The following KIAA0232 variants were observed in gnomAD, a reference collection of about 807,000 sequenced individuals.
KIAA0232 encodes KIAA0232, also known as uncharacterized protein KIAA0232.
Under a neutral mutation model 122.0 loss-of-function variants are expected in KIAA0232, and 27 were observed. The ratio of observed to expected loss-of-function variants is 0.22; its 90% CI spans 0.16 to 0.31. KIAA0232 has a LOEUF of 0.31. KIAA0232 is among the 10% of genes least tolerant of loss of function. KIAA0232 has a pLI of 1.00. For missense variants in KIAA0232, 1,551 were observed against 1,634.2 expected (o/e 0.95, Z 0.88); for synonymous variants, 613 against 587.6 (o/e 1.04, Z -0.63).
rs546440866 is a variant in KIAA0232, at chr4:6,837,177, G to GCTC, written c.232-4886_232-4884dup. ...ACGGGCCGGCTGGCGGGGCGGAGGG[G>GCTC]CTCCTCACTTCCCAGGCGGGGCGGC... is the stretch of plus-strand genomic sequence containing the variant. On this transcript the variant is annotated intron_variant, in intron 3 of 9. Coordinates refer to ENST00000307659, the MANE Select transcript of KIAA0232 (RefSeq NM_014743.3). 2.0e-5 allele frequency among the ~76,000 whole-genome samples: 3 copies of GCTC among 151,260 alleles called. No homozygotes were observed. In the South Asian group the frequency reaches 6.2e-4, roughly 31 times the overall value.
At chr4:6,808,201 C>G (rs1195896220) in intron 2 of KIAA0232, among the ~76,000 whole-genome samples, 1 of 152,060 alleles carries the variant, frequency 6.6e-6, no homozygotes, top group East Asian at 1.9e-4. Context: ...GTCCAAAAGC[C>G]AGAGTCTTAA....
intron 3 of KIAA0232, among the ~76,000 whole-genome samples, chr4:6,841,573 TAA>T (rs1719663918): frequency 6.6e-6 from 1 of 152,154 alleles, no homozygotes; most frequent in Non-Finnish European, 1.5e-5. Flanking sequence ...AAATCAGCAT[TAA>T]GAGGGCAGTT....
chr4:6,783,050 C>T (rs1472433857), intron 1 of KIAA0232, among the ~76,000 whole-genome samples: 3 of 150,360 alleles, frequency 2.0e-5, no homozygotes, highest in South Asian at 2.1e-4. Context: ...GCCGAGCCGC[C>T]GCCGAGGGCT....
rs771150111 is a variant in KIAA0232 at position 6,874,524 on chromosome 4, C to T, written c.3911-2136C>T. On this transcript the variant is annotated intron_variant, in intron 8 of 9. Coordinates refer to ENST00000307659, the MANE Select transcript of KIAA0232 (RefSeq NM_014743.3). Reference sequence around the variant, plus strand: ...CCCAAACAGCAGTCTCCACAGCTCACGCCCCTGGATTTTCAGTGCTTTCAA... The same window carrying T: ...CCCAAACAGCAGTCTCCACAGCTCATGCCCCTGGATTTTCAGTGCTTTCAA... Among the ~76,000 whole-genome samples, 133 of 152,304 alleles carry T rather than the reference C, an allele frequency of 8.7e-4. 1 individual carries two copies. The highest frequency in any genetic ancestry group is 1.8e-3 in the Non-Finnish European group (122 of 68,028).
chr4:6,862,626 A>T lies in KIAA0232; in HGVS notation c.2244A>T (p.Arg748Ser). 6.2e-7 allele frequency: 1 copy of T among 1,613,508 alleles called. No homozygotes were observed. Among genetic ancestry groups the T allele is most frequent in the Non-Finnish European group, 8.5e-7 (1 of 1,179,858 alleles). Residue 748 changes from arginine (R) to serine (S), a missense_variant, in exon 7 of 10, where the codon AGA becomes AGT. Arg to Ser is a moderately radical substitution (Grantham distance 110). Coordinates refer to ENST00000307659, the MANE Select transcript of KIAA0232 (RefSeq NM_014743.3). ...NAEDINYVVPRVSSNYVDEEL... is the reference protein window; with the variant it reads ...NAEDINYVVPSVSSNYVDEEL... ...AAGATATTAATTATGTAGTTCCTAGAGTCTCGTCAAATTATGTAGATGAAG... is the reference window on the plus strand; with the variant it reads ...AAGATATTAATTATGTAGTTCCTAGTGTCTCGTCAAATTATGTAGATGAAG...
Position 6,863,776 on chromosome 4 carries a change from G to A in KIAA0232, c.3394G>A (p.Glu1132Lys), listed in dbSNP as rs1265983984. 1 of 1,614,188 alleles carries A rather than the reference G, an allele frequency of 6.2e-7. No homozygotes were observed. The highest frequency in any genetic ancestry group is 8.5e-7 in the Non-Finnish European group (1 of 1,180,044). Residue 1132 changes from glutamate to lysine, a missense_variant, in exon 7 of 10, where the codon GAA becomes AAA. By Grantham distance (56) the Glu-to-Lys change is moderately conservative. Transcript: ENST00000307659. ...SESEFESEKDEANIPIPSQVD... is the reference protein window; with the variant it reads ...SESEFESEKDKANIPIPSQVD... ...GTCAGAATTTGAATCTGAGAAAGAT[G>A]AAGCAAATATTCCCATTCCTTCTCA...
chr4:6,833,621 A>T (rs1457435087), intron 3 of KIAA0232, among the ~76,000 whole-genome samples: 1 of 152,062 alleles, frequency 6.6e-6, no homozygotes, highest in Non-Finnish European at 1.5e-5. Flanking sequence ...ACAGAGTGAG[A>T]CTGCATCTCA....
At position 6,861,730 on chromosome 4, in the gene KIAA0232, A is replaced by G. The variant is rs1231900576; in HGVS notation, c.1348A>G (p.Ile450Val). The G allele has an allele frequency of 6.2e-7, 1 of 1,614,206 alleles. No individual in the cohort carries two copies. Among genetic ancestry groups the G allele is most frequent in the South Asian group, 1.1e-5 (1 of 91,076 alleles). Residue 450 changes from isoleucine to valine, a missense_variant, in exon 7 of 10, where the codon ATC becomes GTC. By Grantham distance (29) the Ile-to-Val change is conservative (BLOSUM62 3). This residue lies in a region of KIAA0232 where 1,108 missense variants were observed against 1,154.8 expected (regional missense o/e 0.96). Transcript: ENST00000307659. ...ELSESVHGLC[I>V]SNNNLHKTYL... ...GTCTGAATCAGTGCATGGTCTTTGT[A>G]TCAGCAACAATAATCTTCATAAAAC...
In KIAA0232 at chr4:6,859,028, G is replaced by A. The variant is rs540579202; in HGVS notation, c.518+522G>A. Among the ~76,000 whole-genome samples, 379 of 150,664 alleles carry A rather than the reference G, an allele frequency of 2.5e-3. 2 individuals are homozygous for A. The highest frequency in any genetic ancestry group is 7.0e-3 in the Middle Eastern group (2 of 286). ...CAGGAGAATTTCTGGAACCCGGGAG[G>A]CAGAGGTTGCAGTGAGCTGAGACTG... is the stretch of plus-strand genomic sequence containing the variant. On this transcript the variant is annotated intron_variant, in intron 6 of 9. Coordinates refer to ENST00000307659, the MANE Select transcript of KIAA0232 (RefSeq NM_014743.3).
chr4:6,832,761 TTC>T (rs1423284294), intron 3 of KIAA0232, among the ~76,000 whole-genome samples: 1 of 152,212 alleles, frequency 6.6e-6, no homozygotes, highest in East Asian at 1.9e-4. Flanking sequence ...AGCCACATGT[TTC>T]TTTCTCAGGT....
At chr4:6,831,297 G>T (rs1048761308) in intron 3 of KIAA0232, among the ~76,000 whole-genome samples, 52 of 151,958 alleles carry the variant, frequency 3.4e-4, no homozygotes, top group Non-Finnish European at 2.9e-5. Flanking sequence ...CTCGTGATCC[G>T]CCCGCCTCGG....
At chr4:6,850,462 A>G (rs571558975) in intron 4 of KIAA0232, among the ~76,000 whole-genome samples, 1 of 152,328 alleles carries the variant, frequency 6.6e-6, no homozygotes, top group East Asian at 1.9e-4. Flanking sequence ...TCTATAAATT[A>G]TACCATACTC....
intron 2 of KIAA0232, among the ~76,000 whole-genome samples, chr4:6,805,697 G>C (rs1460089942): frequency 6.6e-6 from 1 of 152,150 alleles, no homozygotes; most frequent in Non-Finnish European, 1.5e-5. Context: ...GGTACACTAT[G>C]ATATAGTATT....
At chr4:6,825,512 G>A (rs760056851) in intron 3 of KIAA0232, among the ~76,000 whole-genome samples, 15 of 152,190 alleles carry the variant, frequency 9.9e-5, no homozygotes, top group Middle Eastern at 3.4e-3. Flanking sequence ...CCATGATTGC[G>A]CCATTGCACT....
rs1716978468 is a variant in KIAA0232 at position 6,793,078 on chromosome 4, A to T, written c.-354+10237A>T. On this transcript the variant is annotated intron_variant, in intron 1 of 9. Transcript: ENST00000307659. Reference sequence around the variant, plus strand: ...CCAGTCCTATGAAGACTTCATAAAAACTCGTAGTAAGAACCCCTCATCCTC... The same window carrying T: ...CCAGTCCTATGAAGACTTCATAAAATCTCGTAGTAAGAACCCCTCATCCTC... 2.0e-5 allele frequency among the ~76,000 whole-genome samples: 3 copies of T among 151,500 alleles called. No individual in the cohort carries two copies. The South Asian group carries it at 6.3e-4, about 32-fold the overall frequency.
chr4:6,792,648 A>T (rs1009817702), intron 1 of KIAA0232, among the ~76,000 whole-genome samples: 1 of 150,514 alleles, frequency 6.6e-6, no homozygotes, highest in Non-Finnish European at 1.5e-5. Flanking sequence ...TGCTTGCTTC[A>T]GTGATCTGCT....
At chr4:6,873,034 A>G (rs547052261) in intron 8 of KIAA0232, among the ~76,000 whole-genome samples, 71 of 152,342 alleles carry the variant, frequency 4.7e-4, no homozygotes, top group African/African-American at 1.6e-3. Flanking sequence ...GTCTTCGTTG[A>G]TTGAACAGCG....
chr4:6,846,894 G>A (rs1251807250), intron 4 of KIAA0232, among the ~76,000 whole-genome samples: 2 of 152,094 alleles, frequency 1.3e-5, no homozygotes, highest in South Asian at 2.1e-4. Flanking sequence ...GAGGATGATC[G>A]TGTTTGTGGT....
At position 6,881,058 on chromosome 4, in the gene KIAA0232, G is replaced by T; in HGVS notation, c.*92G>T. 1.1e-6 allele frequency: 1 copy of T among 928,058 alleles called. No homozygotes were observed. The highest frequency in any genetic ancestry group is 1.7e-5 in the African/African-American group (1 of 58,312). 57.5% of individuals were successfully genotyped at this position (928,058 alleles called of 1,614,324 possible). On this transcript the variant is annotated 3_prime_UTR_variant, in exon 10 of 10. Transcript: ENST00000307659. Reference sequence around the variant, plus strand: ...CCTGTTAATCTAAAACAACAACTTAGGTTTCCTCTTCAATTAACTGATTCA... The same window carrying T: ...CCTGTTAATCTAAAACAACAACTTATGTTTCCTCTTCAATTAACTGATTCA...
Sources: allele counts gnomAD v4.1 joint callset (sites outside exome capture counted in the v4.1 genomes callset), GRCh38; gene constraint gnomAD v4.1.1; regional missense constraint gnomAD v4.1.1; transcripts MANE v1.5; gene names NCBI Gene and HGNC (gene_info 2026-07-23, HGNC 2026-07-21).